Variants in EXOC2 observed in about 807,000 individuals in gnomAD.
EXOC2 encodes the protein exocyst complex component 2.
Under a neutral mutation model 131.8 loss-of-function variants are expected in EXOC2, and 70 were observed. The ratio of observed to expected loss-of-function variants is 0.53; its 90% CI spans 0.44 to 0.65. EXOC2 has a LOEUF of 0.65. EXOC2 is among the 30% of genes least tolerant of loss of function. The probability of loss-of-function intolerance (pLI) is 0.00; values close to 1 mark genes in which losing one functional copy is unlikely to be tolerated. For synonymous variants in EXOC2, 411 were observed against 398.4 expected (o/e 1.03, Z -0.38); for missense variants, 923 against 1,108.6 (o/e 0.83, Z 2.38).
chr6:552,635 A>C (rs1051463217), intron 21 of EXOC2, among the ~76,000 whole-genome samples: 40 of 152,262 alleles, frequency 2.6e-4, no homozygotes, highest in African/African-American at 8.9e-4. Flanking sequence ...ACAACAAAAA[A>C]AAACCCAGGT....
At chr6:641,711 A>G (rs1241656530) in intron 1 of EXOC2, among the ~76,000 whole-genome samples, 6 of 152,158 alleles carry the variant, frequency 3.9e-5, no homozygotes, top group African/African-American at 1.2e-4. Flanking sequence ...TCAAATAATC[A>G]GTATCTTTTG....
chr6:620,010 A>G (rs1314857011), intron 4 of EXOC2, among the ~76,000 whole-genome samples: 1 of 152,230 alleles, frequency 6.6e-6, no homozygotes, highest in Non-Finnish European at 1.5e-5. Context: ...GAAATCATCA[A>G]AGTACTAATA....
intron 13 of EXOC2, among the ~76,000 whole-genome samples, chr6:566,240 T>C (rs1202730068): frequency 6.6e-6 from 1 of 152,208 alleles, no homozygotes; most frequent in Non-Finnish European, 1.5e-5. Context: ...TTTTCCTTTA[T>C]TTTTAAGACA....
chr6:489,158 G>T, intron 26 of EXOC2, 120 bp from the exon 27 acceptor site: 5 of 892,860 alleles, frequency 5.6e-6, no homozygotes, highest in African/African-American at 1.7e-5. Context: ...GGAAATATGA[G>T]AAAAAGTAAA....
Position 488,985 on chromosome 6 carries a change from T to G in EXOC2, c.2675A>C (p.Asp892Ala). Residue 892 changes from aspartate (D) to alanine (A), a missense_variant, in exon 27 of 28, where the codon GAT (aspartate) becomes GCT (alanine). Coordinates refer to ENST00000230449, the MANE Select transcript of EXOC2 (RefSeq NM_018303.6). ...AACAGCACACAGGACTTACTTTTTA[T>G]CTGCTCCACTGGAAAGCTGGGGCAG... ...EALPQLSSGADKKLLEELLNK... is the reference protein window; with the variant it reads ...EALPQLSSGAAKKLLEELLNK... 6.2e-7 allele frequency: 1 copy of G among 1,614,048 alleles called. No individual in the cohort carries two copies. The highest frequency in any genetic ancestry group is 8.5e-7 in the Non-Finnish European group (1 of 1,179,938).
rs1398887370 is a variant in EXOC2 at position 521,189 on chromosome 6, A to G, written c.2380+11280T>C. ...GAAAACAACCACCCACTGACTGCCA[A>G]TACTCACCGTCCACACTCGGAGATG... On this transcript the variant is annotated intron_variant, in intron 23 of 27. Coordinates refer to ENST00000230449, the MANE Select transcript of EXOC2 (RefSeq NM_018303.6). Among the ~76,000 whole-genome samples, 2 of 149,740 alleles carry G rather than the reference A, an allele frequency of 1.3e-5. 1 individual carries two copies. The highest frequency in any genetic ancestry group is 1.3e-4 in the Admixed American group (2 of 15,100).
chr6:535,201 AT>A (rs1201934280), intron 22 of EXOC2, among the ~76,000 whole-genome samples: 3 of 152,178 alleles, frequency 2.0e-5, no homozygotes, highest in Admixed American at 1.3e-4. Context: ...ATCTTTGGAA[AT>A]AATAATAAAA....
At chr6:668,833 T>C (rs1473310355) in intron 1 of EXOC2, among the ~76,000 whole-genome samples, 2 of 152,236 alleles carry the variant, frequency 1.3e-5, no homozygotes, top group African/African-American at 2.4e-5. Flanking sequence ...AGATTACTTA[T>C]AATACATAAT....
At chr6:670,093 A>G (rs1219404690) in intron 1 of EXOC2, 1 of 152,322 alleles carries the variant, frequency 6.6e-6, no homozygotes, top group Non-Finnish European at 1.5e-5. Context: ...CAGGCTGCCA[A>G]CATCCATCTC....
rs917659617 is a variant in EXOC2, at chr6:486,472, G to A, written c.*199C>T. On this transcript the variant is annotated 3_prime_UTR_variant, in exon 28 of 28. Transcript: ENST00000230449. ...TACAGGATCTGATCTAGTAAGAATG[G>A]CAAAACAAATACTTCCTGGGCATTT... 2.4e-5 allele frequency: 13 copies of A among 538,478 alleles called. No homozygotes were observed. The highest frequency in any genetic ancestry group is 1.4e-4 in the Admixed American group (4 of 29,622). 33.4% of individuals were successfully genotyped at this position (538,478 alleles called of 1,614,324 possible).
At chr6:565,544 T>G (rs1160392546) in intron 13 of EXOC2, among the ~76,000 whole-genome samples, 2 of 152,218 alleles carry the variant, frequency 1.3e-5, no homozygotes, top group Non-Finnish European at 2.9e-5. Context: ...TTCAGAGAAC[T>G]GTTTATTAAC....
At position 639,010 on chromosome 6, in the gene EXOC2, G is replaced by A. The variant is rs1437072037; in HGVS notation, c.-43-1149C>T. On this transcript the variant is annotated intron_variant, in intron 1 of 27. Coordinates refer to ENST00000230449, the MANE Select transcript of EXOC2 (RefSeq NM_018303.6). ...GGGCTTCAGATGCCCCAGAAGGTGG[G>A]GTGAGGCTCAGAGCAGAACAGTGAG... Among the ~76,000 whole-genome samples, 5 of 152,064 alleles carry A rather than the reference G, an allele frequency of 3.3e-5. 1 individual carries two copies. Among genetic ancestry groups the A allele is most frequent in the South Asian group, 4.2e-4 (2 of 4,814 alleles).
chr6:617,896 T>A lies in EXOC2; in HGVS notation c.537-61A>T. ...CTAACATGCAAGAAAGAAAAAATAATTCCTTCAGTGGAGAACACTAAATAT... is the reference window on the plus strand; with the variant it reads ...CTAACATGCAAGAAAGAAAAAATAAATCCTTCAGTGGAGAACACTAAATAT... On this transcript the variant is annotated intron_variant, in intron 5 of 27. Coordinates refer to ENST00000230449, the MANE Select transcript of EXOC2 (RefSeq NM_018303.6). 1.9e-6 allele frequency: 3 copies of A among 1,574,028 alleles called. No individual in the cohort carries two copies. In the South Asian group the frequency reaches 3.5e-5, roughly 19 times the overall value.
At chr6:647,532 G>T (rs1218261483) in intron 1 of EXOC2, among the ~76,000 whole-genome samples, 1 of 142,770 alleles carries the variant, frequency 7.0e-6, no homozygotes, top group Non-Finnish European at 1.5e-5. Context: ...CAGATTCCTG[G>T]TGACCGGATC....
At chr6:547,633 T>A (rs565397570) in intron 22 of EXOC2, among the ~76,000 whole-genome samples, 1 of 152,334 alleles carries the variant, frequency 6.6e-6, no homozygotes, top group East Asian at 1.9e-4. Flanking sequence ...AATTAACAGA[T>A]TCACAAATGA....
chr6:607,390 A>G (rs1388758636), intron 7 of EXOC2, among the ~76,000 whole-genome samples: 1 of 151,046 alleles, frequency 6.6e-6, no homozygotes, highest in Admixed American at 6.6e-5. Flanking sequence ...AGATAACAGC[A>G]CAAACCTCAA....
chr6:549,964 A>T (rs1243558123), intron 21 of EXOC2, among the ~76,000 whole-genome samples: 2 of 152,244 alleles, frequency 1.3e-5, no homozygotes, highest in African/African-American at 2.4e-5. Context: ...GGTTCTGTCC[A>T]CCTAAAGTAA....
intron 22 of EXOC2, among the ~76,000 whole-genome samples, chr6:541,599 G>A (rs1335409414): frequency 2.2e-5 from 3 of 134,944 alleles, no homozygotes; most frequent in African/African-American, 7.5e-5. Flanking sequence ...ACAAGCGATA[G>A]TAAGTACAAA....
intron 1 of EXOC2, among the ~76,000 whole-genome samples, chr6:641,218 C>A (rs959184444): frequency 1.3e-5 from 2 of 151,810 alleles, no homozygotes; most frequent in African/African-American, 4.8e-5. Flanking sequence ...CAAGAAATGG[C>A]AGATTAGAAG....
Sources: allele counts gnomAD v4.1 joint callset (sites outside exome capture counted in the v4.1 genomes callset), GRCh38; gene constraint gnomAD v4.1.1; transcripts MANE v1.5; gene names NCBI Gene and HGNC (gene_info 2026-07-23, HGNC 2026-07-21).